The following TBXAS1 variants were observed in gnomAD, a reference collection of about 807,000 sequenced individuals.
TBXAS1 encodes the protein thromboxane-A synthase.
TBXAS1 carries 48 observed loss-of-function variants against 60.7 expected under a neutral mutation model. The observed-to-expected ratio is 0.79, with a 90% CI of 0.63 to 1.01. The LOEUF is 1.01. TBXAS1 is among the 50% of genes least tolerant of loss of function. TBXAS1 has a pLI of 0.00. For synonymous variants in TBXAS1, 287 were observed against 269.7 expected, an observed-to-expected ratio of 1.06 and a Z score of -0.63; for missense variants, 685 against 686.3, an observed-to-expected ratio of 1.00 and a Z score of 0.02.
chr7:139,940,219 C>T (rs997448055), intron 5 of TBXAS1, among the ~76,000 whole-genome samples: 1 of 152,124 alleles, frequency 6.6e-6, no homozygotes, highest in African/African-American at 2.4e-5. Context: ...CAGGAAATGA[C>T]AGGGGGGCTG....
upstream of TBXAS1, among the ~76,000 whole-genome samples, chr7:139,827,600 G>A (rs1798474560): frequency 6.6e-6 from 1 of 152,150 alleles, no homozygotes; most frequent in African/African-American, 2.4e-5. Flanking sequence ...CTTTAAAGAG[G>A]TTCTGTTTTG....
intron 3 of TBXAS1, among the ~76,000 whole-genome samples, chr7:139,885,040 G>A (rs1204907202): frequency 2.0e-5 from 3 of 152,190 alleles, no homozygotes; most frequent in African/African-American, 7.2e-5. Context: ...GGCCAGGGCT[G>A]GGCCTGCAGA....
At chr7:139,960,910 C>T (rs1488862146) in intron 8 of TBXAS1, among the ~76,000 whole-genome samples, 2 of 152,096 alleles carry the variant, frequency 1.3e-5, no homozygotes, top group South Asian at 2.1e-4. Context: ...ATTTTAGTCC[C>T]ATAAACTTCA....
intron 4 of TBXAS1, among the ~76,000 whole-genome samples, chr7:139,807,437 G>C (rs1166969326): frequency 6.6e-6 from 1 of 151,978 alleles, no homozygotes; most frequent in Non-Finnish European, 1.5e-5. Flanking sequence ...AGGCTGGAGT[G>C]TAGTGGCGCA....
At chr7:139,949,310 C>G (rs1349233543) in intron 5 of TBXAS1, among the ~76,000 whole-genome samples, 1 of 152,190 alleles carries the variant, frequency 6.6e-6, no homozygotes, top group Non-Finnish European at 1.5e-5. Flanking sequence ...TCCTTTCAAA[C>G]AGTACATATA....
At chr7:139,931,084 T>C (rs993710737) in intron 4 of TBXAS1, among the ~76,000 whole-genome samples, 3 of 151,846 alleles carry the variant, frequency 2.0e-5, no homozygotes, top group African/African-American at 7.3e-5. Flanking sequence ...TACATGTACA[T>C]ACACACATAC....
At chr7:139,868,022 T>C (rs903473745) in intron 1 of TBXAS1, among the ~76,000 whole-genome samples, 6 of 152,186 alleles carry the variant, frequency 3.9e-5, no homozygotes, top group African/African-American at 1.4e-4. Context: ...AATGACCTCG[T>C]TGGTTGTGAA....
chr7:139,991,514 G>A (rs970621621), intron 9 of TBXAS1, among the ~76,000 whole-genome samples: 2 of 152,232 alleles, frequency 1.3e-5, no homozygotes, highest in African/African-American at 2.4e-5. Context: ...AAGGTTAAGG[G>A]AGAGGTCATT....
At chr7:139,863,601 T>A (rs1295044701) in intron 1 of TBXAS1, among the ~76,000 whole-genome samples, 2 of 152,150 alleles carry the variant, frequency 1.3e-5, no homozygotes, top group Non-Finnish European at 2.9e-5. Flanking sequence ...ACCACTACAT[T>A]AAAAATGTAC....
chr7:139,782,150 A>G lies in TBXAS1; in HGVS notation c.-232-516A>G, dbSNP rs111351721. 8.3e-3 allele frequency among the ~76,000 whole-genome samples: 1,256 copies of G among 152,154 alleles called. 14 individuals are homozygous for G. Among genetic ancestry groups the G allele is most frequent in the African/African-American group, 0.028 (1,175 of 41,502 alleles). On this transcript the variant is annotated intron_variant, in intron 2 of 16. Transcript: ENST00000336425. ...TGCATTGTATTTTATTTATTTAATA[A>G]GCACATTAGCAGTCAGTGTTCTAAG...
chr7:139,984,087 C>T (rs1260977057), intron 9 of TBXAS1, among the ~76,000 whole-genome samples: 1 of 152,174 alleles, frequency 6.6e-6, no homozygotes, highest in South Asian at 2.1e-4. Context: ...GACGTTGGGC[C>T]CACCTCCCTG....
At chr7:139,984,767 GGAAA>G (rs148148265) in intron 9 of TBXAS1, among the ~76,000 whole-genome samples, 24,619 of 92,858 alleles carry the variant, frequency 0.27, 2,399 homozygotes, top group East Asian at 0.42. Context: ...AAAGAAAGCA[GGAAA>G]GAAAGAAAGA....
intron 5 of TBXAS1, among the ~76,000 whole-genome samples, chr7:139,937,971 T>A (rs1490174925): frequency 6.6e-6 from 1 of 152,108 alleles, no homozygotes; most frequent in Admixed American, 6.5e-5. Context: ...ATTTTCTGCC[T>A]AAGTTTGGAA....
At chr7:139,907,542 G>A (rs1805201884) in intron 3 of TBXAS1, among the ~76,000 whole-genome samples, 1 of 152,040 alleles carries the variant, frequency 6.6e-6, no homozygotes, top group Non-Finnish European at 1.5e-5. Flanking sequence ...GTTGTGAAGT[G>A]TTCCCTCCTC....
chr7:139,843,203 C>G (rs1449884935), intron 1 of TBXAS1, among the ~76,000 whole-genome samples: 1 of 152,188 alleles, frequency 6.6e-6, no homozygotes, highest in Non-Finnish European at 1.5e-5. Context: ...CCTTCAAAAT[C>G]TTGTCTAAAT....
At chr7:139,977,078 G>A (rs1331462008) in intron 9 of TBXAS1, among the ~76,000 whole-genome samples, 1 of 152,162 alleles carries the variant, frequency 6.6e-6, no homozygotes, top group East Asian at 1.9e-4. Context: ...CAGCAGACAA[G>A]CCTGTTTGAA....
At chr7:140,002,731 CA>C (rs1813760468) in intron 9 of TBXAS1, among the ~76,000 whole-genome samples, 1 of 152,146 alleles carries the variant, frequency 6.6e-6, no homozygotes, top group Non-Finnish European at 1.5e-5. Flanking sequence ...TTAGGACAGC[CA>C]GGGGGCTAAA....
intron 4 of TBXAS1, among the ~76,000 whole-genome samples, chr7:139,796,665 G>A (rs1244633148): frequency 2.0e-5 from 3 of 152,154 alleles, no homozygotes; most frequent in African/African-American, 7.2e-5. Flanking sequence ...ATCAATATTG[G>A]CTCATTGATT....
intron 5 of TBXAS1, among the ~76,000 whole-genome samples, chr7:139,946,412 C>A (rs1340574600): frequency 6.6e-6 from 1 of 152,180 alleles, no homozygotes; most frequent in Non-Finnish European, 1.5e-5. Flanking sequence ...CAGGCACTAT[C>A]AAAGTCCTAA....
Sources: gnomAD v4.1 joint callset for allele counts (sites outside exome capture counted in the v4.1 genomes callset) on GRCh38, gnomAD v4.1.1 for gene constraint, MANE v1.5 for transcripts, NCBI Gene and HGNC (gene_info 2026-07-23, HGNC 2026-07-21) for gene names.